Variants in MRPL1 observed in about 807,000 individuals in gnomAD.
The protein encoded by MRPL1 is mitochondrial ribosomal protein L1.
A neutral mutation model predicts 38.0 loss-of-function variants in MRPL1; 28 were observed. That is an observed-to-expected ratio of 0.74 (90% CI 0.55 to 1.01). MRPL1 has a LOEUF of 1.01. Ranked by LOEUF, MRPL1 falls within the 50% of genes least tolerant of loss-of-function variation. The pLI, the probability that MRPL1 is intolerant of heterozygous loss-of-function variation, is 0.00. For synonymous variants in MRPL1, 123 were observed against 126.7 expected (o/e 0.97, Z 0.20); for missense variants, 358 against 389.8 (o/e 0.92, Z 0.69).
intron 7 of MRPL1, among the ~76,000 whole-genome samples, chr4:77,916,423 T>C (rs1246653986): frequency 1.3e-5 from 2 of 152,170 alleles, no homozygotes; most frequent in African/African-American, 4.8e-5. Context: ...AATTTACAAA[T>C]GCATATAAAG....
chr4:77,895,433 T>C (rs4388114), intron 6 of MRPL1, among the ~76,000 whole-genome samples: 33,920 of 151,964 alleles, frequency 0.22, 4,743 homozygotes, highest in African/African-American at 0.39. Flanking sequence ...TAATAAGTGT[T>C]ATCATTAATG....
intron 6 of MRPL1, among the ~76,000 whole-genome samples, chr4:77,895,377 G>A (rs1211020819): frequency 6.6e-6 from 1 of 151,878 alleles, no homozygotes; most frequent in Non-Finnish European, 1.5e-5. Context: ...GGGAGAAAAG[G>A]AAGAGTCAAA....
intron 1 of MRPL1, 198 bp downstream of exon 1, chr4:77,863,077 C>T: frequency 1.6e-6 from 1 of 635,182 alleles, no homozygotes; most frequent in Middle Eastern, 4.3e-4. Context: ...AGACGTCCAC[C>T]CTGAGGGAGG....
chr4:77,939,601 A>C (rs1425307811), intron 7 of MRPL1, among the ~76,000 whole-genome samples: 2 of 152,158 alleles, frequency 1.3e-5, no homozygotes, highest in African/African-American at 4.8e-5. Context: ...TTTTTTGGAC[A>C]TGAAGTCATT....
chr4:77,888,587 CT>C (rs900855780), intron 5 of MRPL1, among the ~76,000 whole-genome samples: 4 of 151,336 alleles, frequency 2.6e-5, no homozygotes, highest in Non-Finnish European at 4.4e-5. Context: ...AAAATGAGAA[CT>C]TTTTTTTTCC....
intron 6 of MRPL1, chr4:77,907,163 C>G: frequency 4.1e-6 from 4 of 983,730 alleles, no homozygotes; most frequent in Non-Finnish European, 4.8e-6. Context: ...CTATTTCTTA[C>G]CCTTTAAATA....
intron 6 of MRPL1, among the ~76,000 whole-genome samples, chr4:77,894,823 A>G (rs1735879332): frequency 6.6e-6 from 1 of 152,168 alleles, no homozygotes; most frequent in South Asian, 2.1e-4. Flanking sequence ...TAGGTGAGGA[A>G]TCAGGGAAGG....
intron 7 of MRPL1, among the ~76,000 whole-genome samples, chr4:77,933,733 T>G (rs1313331874): frequency 6.6e-6 from 1 of 152,144 alleles, no homozygotes; most frequent in African/African-American, 2.4e-5. Context: ...AATGGCAGGA[T>G]TACAGAGAAA....
At chr4:77,917,997 G>A (rs559572552) in intron 7 of MRPL1, among the ~76,000 whole-genome samples, 1 of 151,222 alleles carries the variant, frequency 6.6e-6, no homozygotes, top group African/African-American at 2.4e-5. Context: ...GGAGGTTGCA[G>A]TGAGCCGAGA....
chr4:77,910,754 C>CA (rs1345466516), intron 7 of MRPL1, among the ~76,000 whole-genome samples: 2 of 151,972 alleles, frequency 1.3e-5, no homozygotes, highest in Non-Finnish European at 1.5e-5. Flanking sequence ...GGTCAAAAAA[C>CA]AAAAAAACTT....
At chr4:77,866,596 C>T (rs974191676) in intron 1 of MRPL1, among the ~76,000 whole-genome samples, 1 of 152,152 alleles carries the variant, frequency 6.6e-6, no homozygotes, top group African/African-American at 2.4e-5. Flanking sequence ...TATCCTCCCT[C>T]ACACTCACTC....
chr4:77,886,659 T>G (rs1364171705), intron 4 of MRPL1, among the ~76,000 whole-genome samples: 1 of 152,068 alleles, frequency 6.6e-6, no homozygotes. Context: ...AATATTTTTT[T>G]GTAGAGATCG....
In MRPL1 at chr4:77,883,604, T is replaced by G. The variant is rs1229526169; in HGVS notation, c.402+104T>G. ...TTATTATTATTTTTGAGACAGGGTC[T>G]TCTTGCCGTGTTGCCCAGGCTGGAG... On this transcript the variant is annotated intron_variant, in intron 3 of 8. Transcript: ENST00000315567. 3 of 1,209,752 alleles carry G rather than the reference T, an allele frequency of 2.5e-6. No individual in the cohort carries two copies. The African/African-American group carries it at 4.6e-5, about 19-fold the overall frequency. 74.9% of individuals were successfully genotyped at this position (1,209,752 alleles called of 1,614,324 possible). A position where few individuals can be genotyped will look rare whatever the true frequency, so the allele number is the denominator to read the frequency against.
At chr4:77,934,341 A>G (rs1157046349) in intron 7 of MRPL1, among the ~76,000 whole-genome samples, 1 of 152,364 alleles carries the variant, frequency 6.6e-6, no homozygotes, top group East Asian at 1.9e-4. Context: ...AATAACTTTT[A>G]CAATTCAATA....
intron 2 of MRPL1, among the ~76,000 whole-genome samples, chr4:77,873,388 A>G (rs1336805278): frequency 6.6e-6 from 1 of 152,244 alleles, no homozygotes; most frequent in Non-Finnish European, 1.5e-5. Context: ...TGGTTAGTAT[A>G]TAATAATAGA....
chr4:77,901,404 G>C (rs1338330444), intron 6 of MRPL1, among the ~76,000 whole-genome samples: 1 of 151,134 alleles, frequency 6.6e-6, no homozygotes, highest in Non-Finnish European at 1.5e-5. Context: ...CCTAAATTCA[G>C]CCATATAAAT....
intron 1 of MRPL1, among the ~76,000 whole-genome samples, chr4:77,868,048 G>T (rs1424053165): frequency 6.6e-6 from 1 of 151,096 alleles, no homozygotes; most frequent in Non-Finnish European, 1.5e-5. Context: ...GAGCCACCGC[G>T]CCTGGCCAGT....
chr4:77,883,358 A>C lies in MRPL1; in HGVS notation c.260A>C (p.Tyr87Ser). 6.2e-7 allele frequency: 1 copy of C among 1,614,016 alleles called. No individual in the cohort carries two copies. Among genetic ancestry groups the C allele is most frequent in the East Asian group, 2.2e-5 (1 of 44,826 alleles). The change falls in exon 3 of 9, where the codon TAT becomes TCT. Residue 87 changes from tyrosine to serine, a missense_variant. Coordinates refer to ENST00000315567, the MANE Select transcript of MRPL1 (RefSeq NM_020236.4). ...GAAGGCGAACCTGAGGATGATGTCT[A>C]TTTAAAACGCTTATACCCGAGACAG... ...YMEGEPEDDVYLKRLYPRQIY... is the reference protein window; with the variant it reads ...YMEGEPEDDVSLKRLYPRQIY...
intron 6 of MRPL1, among the ~76,000 whole-genome samples, chr4:77,907,655 C>A (rs192103099): frequency 6.6e-6 from 1 of 152,078 alleles, no homozygotes; most frequent in Non-Finnish European, 1.5e-5. Context: ...ACCTCCGCCT[C>A]CTGGGTTCAA....
Sources: allele counts gnomAD v4.1 joint callset (sites outside exome capture counted in the v4.1 genomes callset), GRCh38; gene constraint gnomAD v4.1.1; transcripts MANE v1.5; gene names NCBI Gene and HGNC (gene_info 2026-07-23, HGNC 2026-07-21).